Variants in CTNNA3 observed in about 807,000 individuals in gnomAD.
CTNNA3 encodes the protein catenin alpha-3.
In CTNNA3, 76 loss-of-function variants were observed where a neutral mutation model predicts 95.7. That is an observed-to-expected ratio of 0.79 (90% CI 0.66 to 0.96). CTNNA3 has a LOEUF of 0.96. Among genes scored for constraint, CTNNA3 ranks in the 40% least tolerant of loss-of-function variants. The pLI is 0.00. For synonymous variants in CTNNA3, 431 were observed against 374.4 expected (o/e 1.15, Z -1.74); for missense variants, 1,191 against 1,089.8 (o/e 1.09, Z -1.31).
chr10:67,123,010 A>T (rs528057025), intron 7 of CTNNA3, among the ~76,000 whole-genome samples: 13 of 152,138 alleles, frequency 8.5e-5, no homozygotes, highest in Non-Finnish European at 1.6e-4. Context: ...GCAGGTAGGT[A>T]TTAGTGTATT....
intron 13 of CTNNA3, among the ~76,000 whole-genome samples, chr10:66,237,513 A>G (rs1440713977): frequency 6.6e-6 from 1 of 151,580 alleles, no homozygotes; most frequent in East Asian, 1.9e-4. Flanking sequence ...TGGCTTCAAC[A>G]TTTGCTTTGT....
At chr10:65,974,782 A>AC (rs1300782432) in intron 16 of CTNNA3, among the ~76,000 whole-genome samples, 1 of 151,968 alleles carries the variant, frequency 6.6e-6, no homozygotes, top group Non-Finnish European at 1.5e-5. Context: ...GGGTTAAAAA[A>AC]AATTAAAAGA....
intron 2 of CTNNA3, among the ~76,000 whole-genome samples, chr10:67,627,515 G>T (rs1288816188): frequency 6.6e-6 from 1 of 151,152 alleles, no homozygotes; most frequent in Non-Finnish European, 1.5e-5. Flanking sequence ...AAATATAACT[G>T]TTAAAAAATA....
At chr10:66,894,278 A>G (rs2132502775) in intron 7 of CTNNA3, among the ~76,000 whole-genome samples, 1 of 152,234 alleles carries the variant, frequency 6.6e-6, no homozygotes, top group Non-Finnish European at 1.5e-5. Context: ...AACAGAACTC[A>G]TGACAGGGAA....
intron 5 of CTNNA3, among the ~76,000 whole-genome samples, chr10:67,353,300 A>G (rs962895584): frequency 8.6e-5 from 13 of 152,010 alleles, no homozygotes; most frequent in Non-Finnish European, 1.5e-4. Flanking sequence ...ACTGTGGGGC[A>G]TGAACTACAA....
intron 9 of CTNNA3, among the ~76,000 whole-genome samples, chr10:66,675,134 A>G (rs1184688964): frequency 6.6e-6 from 1 of 152,096 alleles, no homozygotes; most frequent in Non-Finnish European, 1.5e-5. Flanking sequence ...TTTCTGCTGG[A>G]AAGACTGTCT....
intron 13 of CTNNA3, among the ~76,000 whole-genome samples, chr10:66,176,460 T>C (rs1483162662): frequency 1.3e-5 from 2 of 152,054 alleles, no homozygotes; most frequent in African/African-American, 2.4e-5. Flanking sequence ...ACTTAGAGAA[T>C]TGAACAATGG....
intron 3 of CTNNA3, among the ~76,000 whole-genome samples, chr10:67,567,587 AC>A: frequency 6.6e-6 from 1 of 152,150 alleles, no homozygotes; most frequent in African/African-American, 2.4e-5. Flanking sequence ...ATATATTTGT[AC>A]AAAGAAAAAT....
chr10:67,179,571 G>A (rs188358686), intron 7 of CTNNA3, among the ~76,000 whole-genome samples: 31 of 151,576 alleles, frequency 2.0e-4, no homozygotes, highest in Admixed American at 1.8e-3. Context: ...GTGGGTGCCT[G>A]TAATCCCAGC....
chr10:67,734,546 T>A lies in CTNNA3; in HGVS notation c.-2+28888A>T, dbSNP rs114563413. On this transcript the variant is annotated intron_variant, in intron 1 of 17. Transcript: ENST00000684154. ...TAATTAACATGAGTTAAATCATTAG[T>A]CAAAATAAGAAGATACTATCTCTTG... is the stretch of plus-strand genomic sequence containing the variant. 3.7e-3 allele frequency among the ~76,000 whole-genome samples: 568 copies of A among 152,266 alleles called. 4 individuals are homozygous for A. Among genetic ancestry groups the A allele is most frequent in the African/African-American group, 0.012 (519 of 41,568 alleles).
intron 9 of CTNNA3, among the ~76,000 whole-genome samples, chr10:66,746,882 TGTGC>T (rs1055274522): frequency 3.3e-5 from 5 of 151,960 alleles, no homozygotes; most frequent in African/African-American, 7.2e-5. Flanking sequence ...TGTGTGTGTG[TGTGC>T]GTGCACACAC....
intron 7 of CTNNA3, among the ~76,000 whole-genome samples, chr10:67,109,702 G>C (rs888067638): frequency 6.6e-6 from 1 of 152,144 alleles, no homozygotes; most frequent in Non-Finnish European, 1.5e-5. Flanking sequence ...AATTGGCTGG[G>C]CGCAGTGGCC....
At chr10:66,283,992 T>C (rs1008453779) in intron 12 of CTNNA3, among the ~76,000 whole-genome samples, 9 of 151,904 alleles carry the variant, frequency 5.9e-5, no homozygotes, top group Admixed American at 5.9e-4. Flanking sequence ...TATAGAATTA[T>C]TGATCAAAGA....
At chr10:66,277,671 G>A (rs1055724609) in intron 13 of CTNNA3, among the ~76,000 whole-genome samples, 2 of 152,104 alleles carry the variant, frequency 1.3e-5, no homozygotes, top group Non-Finnish European at 2.9e-5. Flanking sequence ...CCCTGTAGAA[G>A]TCGTGTAGAG....
chr10:65,987,847 T>C (rs1349242088), intron 16 of CTNNA3, among the ~76,000 whole-genome samples: 4 of 151,908 alleles, frequency 2.6e-5, no homozygotes, highest in African/African-American at 9.7e-5. Flanking sequence ...CAATGGAATA[T>C]TCAGGCACAA....
At chr10:66,443,046 G>A (rs187312738) in intron 11 of CTNNA3, among the ~76,000 whole-genome samples, 2 of 152,136 alleles carry the variant, frequency 1.3e-5, no homozygotes, top group Non-Finnish European at 2.9e-5. Flanking sequence ...TGCCCACAGA[G>A]TCTCACTGAT....
rs138663412 is a variant in CTNNA3 at position 67,138,854 on chromosome 10, A to T, written c.1047+41463T>A. On this transcript the variant is annotated intron_variant, in intron 7 of 17. Coordinates refer to ENST00000433211, the MANE Select transcript of CTNNA3 (RefSeq NM_013266.4). ...TATCCTAGAGATTTTACAGAAATTA[A>T]ATTTCCTAAGTCATCCATCTATAGG... Among the ~76,000 whole-genome samples, 172 of 152,254 alleles carry T rather than the reference A, an allele frequency of 1.1e-3. 1 individual carries two copies. The highest frequency in any genetic ancestry group is 4.0e-3 in the African/African-American group (166 of 41,500).
intron 2 of CTNNA3, among the ~76,000 whole-genome samples, chr10:67,644,104 G>T (rs571530164): frequency 5.9e-5 from 9 of 152,164 alleles, no homozygotes; most frequent in Non-Finnish European, 1.2e-4. Context: ...TTGAGGAATT[G>T]CCACATTGCC....
intron 2 of CTNNA3, among the ~76,000 whole-genome samples, chr10:67,640,539 A>G (rs1324908658): frequency 6.6e-6 from 1 of 152,246 alleles, no homozygotes; most frequent in Non-Finnish European, 1.5e-5. Context: ...AAGAGCCTGC[A>G]TTGCCAAGTC....
Sources: gnomAD v4.1 joint callset for allele counts (sites outside exome capture counted in the v4.1 genomes callset) on GRCh38, gnomAD v4.1.1 for gene constraint, MANE v1.5 for transcripts, NCBI Gene and HGNC (gene_info 2026-07-23, HGNC 2026-07-21) for gene names.